Variants in FAM20B observed in about 807,000 individuals in gnomAD.
FAM20B encodes glycosaminoglycan xylosylkinase.
Under a neutral mutation model 43.8 loss-of-function variants are expected in FAM20B, and 23 were observed. The observed-to-expected ratio is 0.53, with a 90% CI of 0.38 to 0.74. The LOEUF is 0.74. Ranked by LOEUF, FAM20B falls within the 30% of genes least tolerant of loss-of-function variation. The pLI is 0.00. For missense variants in FAM20B, 440 were observed against 510.5 expected, an observed-to-expected ratio of 0.86 and a Z score of 1.33; for synonymous variants, 178 against 192.4, an observed-to-expected ratio of 0.93 and a Z score of 0.62.
chr1:179,020,192 CACA>C, the FAM20B span, among the ~76,000 whole-genome samples: 6 of 130,662 alleles, frequency 4.6e-5, no homozygotes, highest in African/African-American at 1.8e-4. Context: ...CACACACACA[CACA>C]CTTAAATGTA....
chr1:179,041,795 G>A (rs1004101315), intron 1 of FAM20B, among the ~76,000 whole-genome samples: 1 of 152,054 alleles, frequency 6.6e-6, no homozygotes. Flanking sequence ...GCATTTTTAG[G>A]AATTGTTGTC....
chr1:179,064,724 G>A lies in FAM20B; in HGVS notation c.938+228G>A, dbSNP rs565358433. The stretch of plus-strand genomic sequence containing the variant: ...TTCCAAGGAGTCTAAGACTCTATGA[G>A]CCTCTTCTCAGACAACTGGAAAACC... On this transcript the variant is annotated intron_variant, in intron 6 of 7. Coordinates refer to ENST00000263733, the MANE Select transcript of FAM20B (RefSeq NM_014864.4). Among the ~76,000 whole-genome samples the A allele has an allele frequency of 3.3e-5, 5 of 152,218 alleles. No homozygotes were observed. The East Asian group carries it at 7.7e-4, about 24-fold the overall frequency.
chr1:179,043,718 C>T lies in FAM20B; in HGVS notation c.-130C>T. 2.2e-6 allele frequency: 2 copies of T among 922,560 alleles called. No homozygotes were observed. The highest frequency in any genetic ancestry group is 3.2e-6 in the Non-Finnish European group (2 of 620,826). The allele number at this position is 922,560 out of a possible 1,614,324, so 57.1% of individuals were successfully genotyped here. Reference sequence around the variant, plus strand: ...TGCTTTGTACTTGGGCTTGCAGGAACTGTGGAAGGTGCATCAGTGAAGAAA... The same window carrying T: ...TGCTTTGTACTTGGGCTTGCAGGAATTGTGGAAGGTGCATCAGTGAAGAAA... On this transcript the variant is annotated 5_prime_UTR_variant, in exon 2 of 8. Coordinates refer to ENST00000263733, the MANE Select transcript of FAM20B (RefSeq NM_014864.4).
chr1:179,042,196 C>T (rs576267404), intron 1 of FAM20B, among the ~76,000 whole-genome samples: 1 of 152,336 alleles, frequency 6.6e-6, no homozygotes, highest in East Asian at 1.9e-4. Context: ...TACTACTGGC[C>T]TGGATCTTAT....
intron 1 of FAM20B, among the ~76,000 whole-genome samples, chr1:179,030,682 A>C (rs1477852364): frequency 6.6e-6 from 1 of 152,130 alleles, no homozygotes; most frequent in Non-Finnish European, 1.5e-5. Flanking sequence ...TTTAAACCAG[A>C]GAGTTGCCAG....
chr1:179,068,607 T>G (rs1651789623), intron 7 of FAM20B, among the ~76,000 whole-genome samples: 1 of 152,114 alleles, frequency 6.6e-6, no homozygotes, highest in Non-Finnish European at 1.5e-5. Context: ...GGTTAATTTT[T>G]GTATTTTTAG....
At position 179,064,310 on chromosome 1, in the gene FAM20B, A is replaced by G; in HGVS notation, c.752A>G (p.Glu251Gly). 6.2e-7 allele frequency: 1 copy of G among 1,603,574 alleles called. No homozygotes were observed. Among genetic ancestry groups the G allele is most frequent in the Non-Finnish European group, 8.5e-7 (1 of 1,172,324 alleles). ...GTGATGCTGCTTGTCTCCAGGTGGGAGTATGATGAGAGCTACTGTGATGCT... is the reference window on the plus strand; with the variant it reads ...GTGATGCTGCTTGTCTCCAGGTGGGGGTATGATGAGAGCTACTGTGATGCT... ...TYREGKLARW[E>G]YDESYCDAVK... Residue 251 changes from glutamate (E) to glycine (G), a missense_variant, in exon 6 of 8, where the codon GAG becomes GGG. By Grantham distance (98) the Glu-to-Gly change is moderately conservative (BLOSUM62 -2). Coordinates refer to ENST00000263733, the MANE Select transcript of FAM20B (RefSeq NM_014864.4).
chr1:179,018,790 C>T, the FAM20B span, among the ~76,000 whole-genome samples: 1 of 152,130 alleles, frequency 6.6e-6, no homozygotes, highest in Non-Finnish European at 1.5e-5. Flanking sequence ...TCTATGTATA[C>T]ATATATCTCT....
chr1:179,041,844 T>C (rs962658668), intron 1 of FAM20B, among the ~76,000 whole-genome samples: 3 of 152,178 alleles, frequency 2.0e-5, no homozygotes, highest in Admixed American at 6.5e-5. Flanking sequence ...GTTTGGGATA[T>C]GCAAAAGTCC....
At chr1:179,021,132 C>T (rs1051893185), upstream of FAM20B, among the ~76,000 whole-genome samples, 2 of 152,190 alleles carry the variant, frequency 1.3e-5, no homozygotes, top group Admixed American at 1.3e-4. Context: ...CATCCCTCGG[C>T]CAGCCATGAG....
At chr1:179,021,245 C>T (rs1248132328), upstream of FAM20B, among the ~76,000 whole-genome samples, 1 of 152,118 alleles carries the variant, frequency 6.6e-6, no homozygotes, top group East Asian at 1.9e-4. Context: ...GTCTGAGGAA[C>T]CCAGAACTTC....
At chr1:179,051,461 C>T (rs2102507152) in intron 3 of FAM20B, among the ~76,000 whole-genome samples, 1 of 151,886 alleles carries the variant, frequency 6.6e-6, no homozygotes, top group Non-Finnish European at 1.5e-5. Context: ...CCCGTCTCTA[C>T]TAAAAAAATA....
chr1:179,050,413 A>G (rs1446096440), intron 3 of FAM20B, 48 bp downstream of exon 3: 2 of 1,480,648 alleles, frequency 1.4e-6, no homozygotes, highest in South Asian at 2.3e-5. Flanking sequence ...GCTTTCAAAA[A>G]TCTTTCTTGG....
chr1:179,054,061 C>G (rs2102510291), intron 3 of FAM20B, among the ~76,000 whole-genome samples: 1 of 147,934 alleles, frequency 6.8e-6, no homozygotes, highest in East Asian at 2.0e-4. Context: ...CTTCAAATGT[C>G]TCTATATTTA....
intron 2 of FAM20B, among the ~76,000 whole-genome samples, chr1:179,049,073 G>A (rs1477084100): frequency 2.0e-5 from 3 of 152,146 alleles, no homozygotes; most frequent in Non-Finnish European, 4.4e-5. Context: ...CAATAGAGAG[G>A]ACATAGGTGA....
chr1:179,043,939 C>T lies in FAM20B; in HGVS notation c.92C>T (p.Ser31Leu). Residue 31 changes from serine to leucine, a missense_variant, in exon 2 of 8, where the codon TCA becomes TTA. Ser to Leu is a moderately radical substitution (Grantham distance 145). Coordinates refer to ENST00000263733, the MANE Select transcript of FAM20B (RefSeq NM_014864.4). Reference sequence around the variant, plus strand: ...TTCCTGATTGACAACTTAGATACATCAGCTGCCAACCGGGAGGACCAGAGG... The same window carrying T: ...TTCCTGATTGACAACTTAGATACATTAGCTGCCAACCGGGAGGACCAGAGG... ...KVFLIDNLDT[S>L]AANREDQRAF... 6.2e-7 allele frequency: 1 copy of T among 1,613,996 alleles called. No individual in the cohort carries two copies. The highest frequency in any genetic ancestry group is 8.5e-7 in the Non-Finnish European group (1 of 1,179,868).
At chr1:179,034,382 CTT>C (rs1482359253) in intron 1 of FAM20B, among the ~76,000 whole-genome samples, 2 of 151,766 alleles carry the variant, frequency 1.3e-5, no homozygotes, top group East Asian at 1.9e-4. Flanking sequence ...GACTCCACCT[CTT>C]TCTCTCTCTC....
At chr1:179,038,985 C>T (rs572571136) in intron 1 of FAM20B, among the ~76,000 whole-genome samples, 1 of 152,350 alleles carries the variant, frequency 6.6e-6, no homozygotes, top group South Asian at 2.1e-4. Context: ...CCTCAGAATA[C>T]ATTGCTCTGA....
intron 2 of FAM20B, among the ~76,000 whole-genome samples, chr1:179,046,144 C>T (rs1003173067): frequency 6.6e-6 from 1 of 152,112 alleles, no homozygotes; most frequent in South Asian, 2.1e-4. Flanking sequence ...GAAGTTTGAA[C>T]CCATATTTGT....
Sources: gnomAD v4.1 joint callset for allele counts (sites outside exome capture counted in the v4.1 genomes callset) on GRCh38, gnomAD v4.1.1 for gene constraint, MANE v1.5 for transcripts, NCBI Gene and HGNC (gene_info 2026-07-23, HGNC 2026-07-21) for gene names.